GAS7: variants seen among roughly 807,000 people sequenced by gnomAD.
GAS7 encodes the protein growth arrest-specific protein 7.
GAS7 carries 28 observed loss-of-function variants against 71.1 expected under a neutral mutation model. The observed-to-expected ratio is 0.39, with a 90% CI of 0.29 to 0.54. The LOEUF (loss-of-function observed/expected upper bound fraction) is 0.54, where lower values mean the gene tolerates loss of function less well. Ranked by LOEUF, GAS7 falls within the 20% of genes least tolerant of loss-of-function variation. GAS7 has a pLI of 0.62. For missense variants in GAS7, 436 were observed against 627.8 expected (o/e 0.69, Z 3.27); for synonymous variants, 258 against 245.8 (o/e 1.05, Z -0.46).
chr17:9,988,815 C>T (rs1345059989), intron 2 of GAS7, among the ~76,000 whole-genome samples: 2 of 151,634 alleles, frequency 1.3e-5, no homozygotes, highest in African/African-American at 2.4e-5. Flanking sequence ...CTTCAGCGGT[C>T]ACAAAACACC....
At chr17:10,096,374 T>C (rs780653649) in intron 1 of GAS7, among the ~76,000 whole-genome samples, 69 of 152,326 alleles carry the variant, frequency 4.5e-4, no homozygotes, top group Non-Finnish European at 7.2e-4. Context: ...GCCTCCCCTC[T>C]TCTGTTTGCC....
chr17:9,962,361 T>C (rs527300903), intron 4 of GAS7, among the ~76,000 whole-genome samples: 83 of 152,316 alleles, frequency 5.4e-4, no homozygotes, highest in African/African-American at 1.9e-3. Context: ...GAAATTGGTT[T>C]CCAAATATTA....
chr17:10,046,020 G>A (rs968915882), intron 1 of GAS7, among the ~76,000 whole-genome samples: 2 of 152,074 alleles, frequency 1.3e-5, no homozygotes, highest in African/African-American at 4.8e-5. Flanking sequence ...ATCTCCACAT[G>A]ATCTAAAATT....
intron 1 of GAS7, among the ~76,000 whole-genome samples, chr17:10,174,256 G>A (rs900319675): frequency 6.6e-6 from 1 of 152,180 alleles, no homozygotes; most frequent in African/African-American, 2.4e-5. Flanking sequence ...TTTCTTCTCT[G>A]ATTTTTAACA....
At position 9,969,973 on chromosome 17, in the gene GAS7, T is replaced by C. The variant is rs1567837835; in HGVS notation, c.386-211A>G. 6.6e-6 allele frequency among the ~76,000 whole-genome samples: 1 copy of C among 152,212 alleles called. No individual in the cohort carries two copies. The highest frequency in any genetic ancestry group is 1.5e-5 in the Non-Finnish European group (1 of 68,040). On this transcript the variant is annotated intron_variant, in intron 3 of 13. Coordinates refer to ENST00000432992, the MANE Select transcript of GAS7 (RefSeq NM_201433.2). This position sits in a 1 kb window ranked among gnomAD's most constrained non-coding sequence, Gnocchi z 5.5. ...CTCTAATCCTCAGCACCCAAATTAC[T>C]GAATTCTTAGGGGACTGAGTTTCTT... is the stretch of plus-strand genomic sequence containing the variant.
At chr17:10,186,182 C>T (rs957534481) in intron 1 of GAS7, among the ~76,000 whole-genome samples, 1 of 151,650 alleles carries the variant, frequency 6.6e-6, no homozygotes, top group Non-Finnish European at 1.5e-5. Flanking sequence ...TGGTCTCGAT[C>T]TCCTGATCTT....
intron 1 of GAS7, among the ~76,000 whole-genome samples, chr17:10,062,880 C>G (rs751067196): frequency 1.2e-4 from 19 of 152,250 alleles, no homozygotes; most frequent in Non-Finnish European, 2.1e-4. Flanking sequence ...TCTCACCCCC[C>G]AGGATCCTGT....
At chr17:10,102,548 C>T (rs186312730) in intron 1 of GAS7, among the ~76,000 whole-genome samples, 22 of 152,268 alleles carry the variant, frequency 1.4e-4, no homozygotes, top group Middle Eastern at 3.4e-3. Context: ...AGTGCCCACA[C>T]GTTCTAGGGG....
chr17:9,969,818 G>T lies in GAS7; in HGVS notation c.386-56C>A. The T allele has an allele frequency of 8.5e-7, 1 of 1,174,796 alleles. No homozygotes were observed. The highest frequency in any genetic ancestry group is 1.3e-6 in the Non-Finnish European group (1 of 781,442). 72.8% of individuals were successfully genotyped at this position (1,174,796 alleles called of 1,614,324 possible). Reference sequence around the variant, plus strand: ...GTGTGGGCCACAGATGGGCACCCCCGCCTTTCGTCCACTGCAGCCCCTTTT... The same window carrying T: ...GTGTGGGCCACAGATGGGCACCCCCTCCTTTCGTCCACTGCAGCCCCTTTT... On this transcript the variant is annotated intron_variant, in intron 3 of 13. Coordinates refer to ENST00000432992, the MANE Select transcript of GAS7 (RefSeq NM_201433.2). This position sits in a 1 kb window ranked among gnomAD's most constrained non-coding sequence, Gnocchi z 5.5.
chr17:9,916,554 G>A lies in GAS7; in HGVS notation c.*674C>T, dbSNP rs540095094. On this transcript the variant is annotated 3_prime_UTR_variant, in exon 14 of 14. Transcript: ENST00000432992. ...GATGGCGCCTGATCTCATGGGACACGATTCAGCGCTCAATTTGGGGCTAAT... is the reference window on the plus strand; with the variant it reads ...GATGGCGCCTGATCTCATGGGACACAATTCAGCGCTCAATTTGGGGCTAAT... 3 of 242,426 alleles carry A rather than the reference G, an allele frequency of 1.2e-5. No individual in the cohort carries two copies. Among genetic ancestry groups the A allele is most frequent in the Admixed American group, 1.1e-4 (2 of 18,040 alleles). 15.0% of individuals were successfully genotyped at this position (242,426 alleles called of 1,614,324 possible).
intron 1 of GAS7, among the ~76,000 whole-genome samples, chr17:10,181,168 T>C (rs1456454079): frequency 1.4e-5 from 2 of 147,140 alleles, no homozygotes; most frequent in South Asian, 2.3e-4. Context: ...GAGACCATCC[T>C]GGCTAACACA....
At chr17:10,091,356 C>T (rs986240654) in intron 1 of GAS7, among the ~76,000 whole-genome samples, 2 of 152,022 alleles carry the variant, frequency 1.3e-5, no homozygotes, top group African/African-American at 4.8e-5. Flanking sequence ...CAAATGCCAC[C>T]GAACTGTTTA....
At chr17:9,976,914 G>C (rs186841548) in intron 3 of GAS7, among the ~76,000 whole-genome samples, 1 of 152,180 alleles carries the variant, frequency 6.6e-6, no homozygotes, top group South Asian at 2.1e-4. Context: ...AGCCACAGAT[G>C]CCTATTTGAA....
At chr17:9,985,794 A>G (rs2070623315) in intron 2 of GAS7, among the ~76,000 whole-genome samples, 1 of 152,124 alleles carries the variant, frequency 6.6e-6, no homozygotes, top group Admixed American at 6.5e-5. Context: ...AAATCAAACA[A>G]TTCTGAAGGC....
At chr17:10,147,135 T>C (rs1332532464) in intron 1 of GAS7, among the ~76,000 whole-genome samples, 1 of 152,244 alleles carries the variant, frequency 6.6e-6, no homozygotes, top group Admixed American at 6.5e-5. Flanking sequence ...CTTAGTCACA[T>C]GGTTTGCCAT....
chr17:10,182,460 T>G (rs2142144476), intron 1 of GAS7, among the ~76,000 whole-genome samples: 1 of 152,176 alleles, frequency 6.6e-6, no homozygotes, highest in Middle Eastern at 3.4e-3. Flanking sequence ...GCACCCGGCC[T>G]TATTCCCTTA....
chr17:9,961,317 G>C (rs1385475621), intron 4 of GAS7, among the ~76,000 whole-genome samples: 1 of 152,154 alleles, frequency 6.6e-6, no homozygotes. Context: ...GAGGCTACAT[G>C]GCAGGAGGTA....
chr17:9,976,570 A>G (rs1332677912), intron 3 of GAS7, among the ~76,000 whole-genome samples: 1 of 152,144 alleles, frequency 6.6e-6, no homozygotes, highest in African/African-American at 2.4e-5. Context: ...CTGCCTCCCT[A>G]ACCATATCCC....
intron 1 of GAS7, among the ~76,000 whole-genome samples, chr17:10,124,393 T>C (rs955438949): frequency 6.6e-6 from 1 of 151,986 alleles, no homozygotes; most frequent in Non-Finnish European, 1.5e-5. Flanking sequence ...ACAACACAGT[T>C]CCTTACTAAA....
Sources: gnomAD v4.1 joint callset for allele counts (sites outside exome capture counted in the v4.1 genomes callset) on GRCh38, gnomAD v4.1.1 for gene constraint, Gnocchi (gnomAD v3.1) non-coding constraint, MANE v1.5 for transcripts, NCBI Gene and HGNC (gene_info 2026-07-23, HGNC 2026-07-21) for gene names.